Variants in SNURF observed in about 807,000 individuals in gnomAD.
SNURF encodes the protein SNURF protein.
SNURF carries 6 observed loss-of-function variants against 11.6 expected under a neutral mutation model. That is an observed-to-expected ratio of 0.52 (90% CI 0.28 to 1.02). The LOEUF is 1.02. SNURF is among the 50% of genes least tolerant of loss of function. The pLI, the probability that SNURF is intolerant of heterozygous loss-of-function variation, is 0.09. For missense variants in SNURF, 84 were observed against 88.4 expected (o/e 0.95, Z 0.20); for synonymous variants, 29 against 31.6 (o/e 0.92, Z 0.27).
At chr15:24,954,999 G>A (rs781581137) in exon 1 of SNURF, 11 of 1,610,550 alleles carry the variant, frequency 6.8e-6, no homozygotes, top group East Asian at 6.7e-5. Flanking sequence ...AGAGTGGAGC[G>A]GCCGCCGGAG....
chr15:24,969,931 A>AG (rs1304416619), downstream of SNURF, among the ~76,000 whole-genome samples: 4 of 152,232 alleles, frequency 2.6e-5, no homozygotes, highest in African/African-American at 9.6e-5. Flanking sequence ...TAGTTGTGAC[A>AG]GATTGAATGA....
At chr15:24,957,360 T>C (rs1280608746) in intron 1 of SNURF, among the ~76,000 whole-genome samples, 1 of 152,184 alleles carries the variant, frequency 6.6e-6, no homozygotes, top group Non-Finnish European at 1.5e-5. Context: ...ACAATCTTAT[T>C]GGGGTGGGGT....
chr15:24,955,134 A>C (rs369476193), intron 1 of SNURF, 72 bp downstream of exon 1: 7 of 1,600,826 alleles, frequency 4.4e-6, no homozygotes, highest in Non-Finnish European at 5.1e-6. Flanking sequence ...AGATATTCCA[A>C]GTTTTTAGGA....
Position 24,961,152 on chromosome 15 carries a change from A to C in SNURF, c.15-962A>C, listed in dbSNP as rs192550031. ...ATATTTAATAGACCATTGTGTAATC[A>C]AAAGTAATAAACATTATCAGTGTAT... On this transcript the variant is annotated intron_variant, in intron 1 of 2. Coordinates refer to ENST00000577949, the Ensembl canonical transcript of SNURF. 4.4e-3 allele frequency among the ~76,000 whole-genome samples: 674 copies of C among 152,336 alleles called. 2 individuals are homozygous for C. Among genetic ancestry groups the C allele is most frequent in the African/African-American group, 0.016 (653 of 41,578 alleles).
At chr15:24,966,382 A>G (rs2153557297) in intron 2 of SNURF, among the ~76,000 whole-genome samples, 1 of 152,292 alleles carries the variant, frequency 6.6e-6, no homozygotes, top group Admixed American at 6.5e-5. Flanking sequence ...TTACCTGCAC[A>G]TTAGCGTATA....
At chr15:24,969,723 C>T (rs1468042290), downstream of SNURF, among the ~76,000 whole-genome samples, 1 of 152,164 alleles carries the variant, frequency 6.6e-6, no homozygotes, top group East Asian at 1.9e-4. Context: ...TTTTATGATA[C>T]TTAATTATAT....
chr15:24,957,347 G>A (rs1335614794), intron 1 of SNURF, among the ~76,000 whole-genome samples: 1 of 152,170 alleles, frequency 6.6e-6, no homozygotes, highest in African/African-American at 2.4e-5. Context: ...GAGAAAAGTG[G>A]AGACAATCTT....
At chr15:24,971,716 C>A (rs1298580768), downstream of SNURF, among the ~76,000 whole-genome samples, 1 of 152,084 alleles carries the variant, frequency 6.6e-6, no homozygotes, top group East Asian at 1.9e-4. Flanking sequence ...CAAAAAAATT[C>A]CAACCTCTGG....
intron 1 of SNURF, among the ~76,000 whole-genome samples, chr15:24,959,983 G>C (rs1033494304): frequency 6.6e-6 from 1 of 152,164 alleles, no homozygotes; most frequent in African/African-American, 2.4e-5. Flanking sequence ...AACATGAACT[G>C]TCTGGGCATG....
At chr15:24,959,394 A>G (rs747787337) in intron 1 of SNURF, among the ~76,000 whole-genome samples, 8 of 152,202 alleles carry the variant, frequency 5.3e-5, no homozygotes, top group Non-Finnish European at 8.8e-5. Context: ...TTGGAGGCCA[A>G]GGCAGAAGGA....
chr15:24,962,792 G>T (rs1157922068), intron 2 of SNURF, among the ~76,000 whole-genome samples: 1 of 152,002 alleles, frequency 6.6e-6, no homozygotes, highest in Non-Finnish European at 1.5e-5. Context: ...TACATATTTA[G>T]TCCACATTGA....
At position 24,963,734 on chromosome 15, in the gene SNURF, C is replaced by T. The variant is rs548890335; in HGVS notation, c.110+1525C>T. Reference sequence around the variant, plus strand: ...TAGTTTGTGTGTCTTTTGTTATTTCCTCATTTTATATGTGAAAAGTTGAGC... The same window carrying T: ...TAGTTTGTGTGTCTTTTGTTATTTCTTCATTTTATATGTGAAAAGTTGAGC... On this transcript the variant is annotated intron_variant, in intron 2 of 2. Coordinates refer to ENST00000577949, the Ensembl canonical transcript of SNURF. 3.5e-3 allele frequency among the ~76,000 whole-genome samples: 527 copies of T among 151,472 alleles called. 2 individuals carry two copies. Among genetic ancestry groups the T allele is most frequent in the Non-Finnish European group, 5.6e-3 (378 of 67,884 alleles).
At chr15:24,973,334 C>G (rs188435518), downstream of SNURF, among the ~76,000 whole-genome samples, 1 of 152,288 alleles carries the variant, frequency 6.6e-6, no homozygotes, top group Admixed American at 6.5e-5. Flanking sequence ...GTACACTGTT[C>G]ATACTGTGAT....
At chr15:24,972,541 C>CTTTTT (rs755600861), downstream of SNURF, among the ~76,000 whole-genome samples, 3 of 112,216 alleles carry the variant, frequency 2.7e-5, no homozygotes, top group Non-Finnish European at 3.8e-5. Context: ...TTAGAGTATT[C>CTTTTT]TTTTTTTTTT....
chr15:24,967,908 A>T, intron 2 of SNURF, 24 bp from the exon 3 acceptor site: 1 of 1,580,044 alleles, frequency 6.3e-7, no homozygotes. Context: ...TTTATCATTT[A>T]TATATATTGT....
chr15:24,978,663 G>T (rs1432369402), downstream of SNURF: 6 of 586,206 alleles, frequency 1.0e-5, no homozygotes, highest in East Asian at 8.4e-5. Context: ...TGCCTATTAA[G>T]CAGTTGATTC....
chr15:24,955,036 G>T (rs756341117), exon 1 of SNURF: 8 of 1,613,110 alleles, frequency 5.0e-6, no homozygotes, highest in Admixed American at 1.7e-5. Flanking sequence ...TCTGAGGAGC[G>T]GTCAGTGACG....
chr15:24,971,011 C>T (rs2554428), downstream of SNURF, among the ~76,000 whole-genome samples: 47,784 of 152,000 alleles, frequency 0.31, 7,906 homozygotes, highest in East Asian at 0.52. Flanking sequence ...CATGGTGTGT[C>T]TCATTTGCTA....
At chr15:24,975,593 G>C (rs2076966333) in intron 4 of SNURF, 1 of 1,124,062 alleles carries the variant, frequency 8.9e-7, no homozygotes, top group Admixed American at 1.8e-5. Context: ...ATTTCCGAGG[G>C]TAACTGAAGT....
Sources: allele counts gnomAD v4.1 joint callset (sites outside exome capture counted in the v4.1 genomes callset), GRCh38; gene constraint gnomAD v4.1.1; transcripts MANE v1.5; gene names NCBI Gene and HGNC (gene_info 2026-07-23, HGNC 2026-07-21).